The following WWOX variants were observed in gnomAD, a reference collection of about 807,000 sequenced individuals.
WWOX encodes WW domain containing oxidoreductase, also known as WW domain-containing oxidoreductase.
A neutral mutation model predicts 46.2 loss-of-function variants in WWOX; 69 were observed. The ratio of observed to expected loss-of-function variants is 1.49; its 90% CI spans 1.23 to 1.82. The LOEUF (loss-of-function observed/expected upper bound fraction) is 1.82. WWOX is among the 40% of genes most tolerant of loss of function. The probability of loss-of-function intolerance (pLI) is 0.00; values close to 1 mark genes in which losing one functional copy is unlikely to be tolerated. For synonymous variants in WWOX, 359 were observed against 202.6 expected, an observed-to-expected ratio of 1.77 and a Z score of -6.56; for missense variants, 919 against 542.6, an observed-to-expected ratio of 1.69 and a Z score of -6.89.
At chr16:79,031,830 GAT>G (rs10581989) in intron 8 of WWOX, among the ~76,000 whole-genome samples, 51,447 of 137,286 alleles carry the variant, frequency 0.37, 10,283 homozygotes, top group East Asian at 0.64. Flanking sequence ...ATCTATATAT[GAT>G]ATATATATCT....
At position 78,119,253 on chromosome 16, in the gene WWOX, G is replaced by A. The variant is rs535219740; in HGVS notation, c.409+4099G>A. On this transcript the variant is annotated intron_variant, in intron 4 of 8. Coordinates refer to ENST00000566780, the MANE Select transcript of WWOX (RefSeq NM_016373.4). ...AAAGCAACGGAAATGCCTTCAGCAC[G>A]GTGAACATTACATGCAAATGTTGGG... 1.8e-4 allele frequency among the ~76,000 whole-genome samples: 28 copies of A among 152,284 alleles called. No homozygotes were observed. In the South Asian group the frequency reaches 2.1e-3, roughly 11 times the overall value.
chr16:78,603,691 CAAAAT>C (rs968601066), intron 8 of WWOX, among the ~76,000 whole-genome samples: 6 of 152,058 alleles, frequency 3.9e-5, no homozygotes, highest in African/African-American at 1.4e-4. Flanking sequence ...GAGACACTCT[CAAAAT>C]AAGTAAATAA....
intron 8 of WWOX, among the ~76,000 whole-genome samples, chr16:78,589,014 GAC>G (rs1425222899): frequency 6.6e-6 from 1 of 152,142 alleles, no homozygotes; most frequent in Non-Finnish European, 1.5e-5. Context: ...AAGTAAATGA[GAC>G]ATCTCTTTCA....
At chr16:79,067,146 G>T (rs1241276904) in intron 8 of WWOX, among the ~76,000 whole-genome samples, 2 of 152,192 alleles carry the variant, frequency 1.3e-5, no homozygotes, top group Non-Finnish European at 2.9e-5. Flanking sequence ...CCTGTCTGGG[G>T]CTCCAGCTTT....
At chr16:78,131,223 G>A (rs1053029122) in intron 4 of WWOX, among the ~76,000 whole-genome samples, 3 of 152,018 alleles carry the variant, frequency 2.0e-5, no homozygotes, top group Admixed American at 6.6e-5. Flanking sequence ...AAATTGATTC[G>A]CTTTTGTGAG....
chr16:78,624,924 C>T (rs1175429065), intron 8 of WWOX, among the ~76,000 whole-genome samples: 1 of 152,220 alleles, frequency 6.6e-6, no homozygotes, highest in African/African-American at 2.4e-5. Flanking sequence ...ACACAAAACC[C>T]TGTTCATTTT....
intron 8 of WWOX, among the ~76,000 whole-genome samples, chr16:78,701,516 A>T (rs911137451): frequency 4.0e-5 from 6 of 151,732 alleles, no homozygotes; most frequent in Non-Finnish European, 7.4e-5. Context: ...TATCTCTTCT[A>T]TCTACCTGTC....
At chr16:78,976,603 G>A (rs893720064) in intron 8 of WWOX, among the ~76,000 whole-genome samples, 5 of 152,166 alleles carry the variant, frequency 3.3e-5, no homozygotes, top group Admixed American at 1.3e-4. Flanking sequence ...ATGGCGTTGC[G>A]TTTCCAAGCC....
chr16:78,158,948 C>T (rs551855286), intron 4 of WWOX, among the ~76,000 whole-genome samples: 4 of 152,258 alleles, frequency 2.6e-5, no homozygotes, highest in Admixed American at 6.5e-5. Flanking sequence ...CTCCCCTCAG[C>T]CCTTTGCCTA....
intron 8 of WWOX, among the ~76,000 whole-genome samples, chr16:78,492,603 G>A (rs921997049): frequency 2.6e-5 from 4 of 152,198 alleles, no homozygotes; most frequent in African/African-American, 9.7e-5. Flanking sequence ...TGGAATCACT[G>A]TTTCTCCTCC....
intron 8 of WWOX, among the ~76,000 whole-genome samples, 192 bp from the exon 9 acceptor site, chr16:79,211,416 C>T (rs937771405): frequency 2.6e-5 from 4 of 152,138 alleles, no homozygotes; most frequent in African/African-American, 7.2e-5. Flanking sequence ...TTTATGAACT[C>T]GTTTTTCCAG....
At chr16:78,755,687 G>A (rs545948732) in intron 8 of WWOX, among the ~76,000 whole-genome samples, 49 of 152,084 alleles carry the variant, frequency 3.2e-4, no homozygotes, top group Non-Finnish European at 5.6e-4. Context: ...CCTGCACCAG[G>A]GCCATGTGAC....
At chr16:79,045,779 C>CTTT (rs1491206524) in intron 8 of WWOX, among the ~76,000 whole-genome samples, 1 of 55,674 alleles carries the variant, frequency 1.8e-5, no homozygotes, top group African/African-American at 4.9e-5. Context: ...TTTTTCTTTT[C>CTTT]CTTTTTTTTT....
Position 78,734,571 on chromosome 16 carries a change from T to G in WWOX, c.1056+301819T>G, listed in dbSNP as rs1226149405. Among the ~76,000 whole-genome samples, 30 of 152,158 alleles carry G rather than the reference T, an allele frequency of 2.0e-4. 1 individual carries two copies. Among genetic ancestry groups the G allele is most frequent in the Admixed American group, 2.0e-3 (30 of 15,268 alleles). ...AACTTGAGAGCAGAGCTGGTTTATG[T>G]GTAACTGAACCTGATGGTTAGTTTC... On this transcript the variant is annotated intron_variant, in intron 8 of 8. Coordinates refer to ENST00000566780, the MANE Select transcript of WWOX (RefSeq NM_016373.4).
At chr16:78,592,226 T>G (rs72803981) in intron 8 of WWOX, among the ~76,000 whole-genome samples, 5,679 of 152,338 alleles carry the variant, frequency 0.037, 154 homozygotes, top group Middle Eastern at 0.088. Context: ...ATTTTTTGTT[T>G]GTTTGTTTTT....
rs76626394 is a variant in WWOX at position 78,542,046 on chromosome 16, A to G, written c.1056+109294A>G. On this transcript the variant is annotated intron_variant, in intron 8 of 8. Coordinates refer to ENST00000566780, the MANE Select transcript of WWOX (RefSeq NM_016373.4). The stretch of plus-strand genomic sequence containing the variant: ...AAAAAAAAAAAAAAAAAAAAAAAAA[A>G]GTAAATTGCACAGACCCCAGCTTAG... Among the ~76,000 whole-genome samples, 44 of 145,594 alleles carry G rather than the reference A, an allele frequency of 3.0e-4. 1 individual carries two copies. Among genetic ancestry groups the G allele is most frequent in the African/African-American group, 1.0e-3 (41 of 39,110 alleles).
chr16:78,879,517 A>T (rs76747027), intron 8 of WWOX, among the ~76,000 whole-genome samples: 2 of 151,970 alleles, frequency 1.3e-5, no homozygotes, highest in Admixed American at 1.3e-4. Context: ...AAAAAAAAAA[A>T]TTTGGCCTTT....
At chr16:79,151,855 A>G (rs765487896) in intron 8 of WWOX, among the ~76,000 whole-genome samples, 1 of 152,150 alleles carries the variant, frequency 6.6e-6, no homozygotes, top group Non-Finnish European at 1.5e-5. Flanking sequence ...TGTGATGATA[A>G]TTCTCTTTTC....
At chr16:79,187,514 C>T (rs1411268314) in intron 8 of WWOX, among the ~76,000 whole-genome samples, 1 of 152,206 alleles carries the variant, frequency 6.6e-6, no homozygotes, top group Non-Finnish European at 1.5e-5. Flanking sequence ...GATTCTCCTG[C>T]CTCAGCCTCC....
Sources: gnomAD v4.1 joint callset for allele counts (sites outside exome capture counted in the v4.1 genomes callset) on GRCh38, gnomAD v4.1.1 for gene constraint, MANE v1.5 for transcripts, NCBI Gene and HGNC (gene_info 2026-07-23, HGNC 2026-07-21) for gene names.